The following ARID1B variants were observed in gnomAD, a reference collection of about 807,000 sequenced individuals.
The protein encoded by ARID1B is AT-rich interaction domain 1B.
ARID1B carries 30 observed loss-of-function variants against 212.3 expected under a neutral mutation model. That is an observed-to-expected ratio of 0.14 (90% CI 0.11 to 0.19). The LOEUF (loss-of-function observed/expected upper bound fraction) is 0.19, where lower values mean the gene tolerates loss of function less well. ARID1B is among the 10% of genes least tolerant of loss of function. The pLI is 1.00. For missense variants in ARID1B, 2,891 were observed against 3,204.0 expected (o/e 0.90, Z 2.36); for synonymous variants, 1,402 against 1,301.7 (o/e 1.08, Z -1.66).
intron 4 of ARID1B, among the ~76,000 whole-genome samples, chr6:156,989,807 A>G (rs1277815668): frequency 6.6e-6 from 1 of 152,118 alleles, no homozygotes; most frequent in Non-Finnish European, 1.5e-5. Flanking sequence ...TGATGGTGGG[A>G]GTGGCAGTAG....
chr6:156,882,174 TCTC>T (rs1787151022), intron 2 of ARID1B, among the ~76,000 whole-genome samples: 1 of 152,012 alleles, frequency 6.6e-6, no homozygotes, highest in South Asian at 2.1e-4. Context: ...TCGTTTCTCT[TCTC>T]TGCTAGTTGA....
chr6:156,920,747 A>G (rs376539065), intron 3 of ARID1B, among the ~76,000 whole-genome samples: 5 of 152,136 alleles, frequency 3.3e-5, no homozygotes, highest in South Asian at 4.1e-4. Flanking sequence ...GTCTCTTTGC[A>G]TTAGCCTAGG....
chr6:157,192,971 G>A (rs1231843454), intron 15 of ARID1B, among the ~76,000 whole-genome samples: 1 of 152,150 alleles, frequency 6.6e-6, no homozygotes, highest in Non-Finnish European at 1.5e-5. Context: ...TTAACCTGTA[G>A]TACAAGTAGC....
chr6:156,964,159 C>T (rs1794586371), intron 4 of ARID1B, among the ~76,000 whole-genome samples: 1 of 152,252 alleles, frequency 6.6e-6, no homozygotes, highest in African/African-American at 2.4e-5. Context: ...CTTATTAACT[C>T]ATCTTGCAAC....
chr6:156,827,940 TA>T (rs1431619652), intron 1 of ARID1B, among the ~76,000 whole-genome samples: 1 of 151,818 alleles, frequency 6.6e-6, no homozygotes, highest in African/African-American at 2.4e-5. Flanking sequence ...TTTGTATTTT[TA>T]GTAGAGACGG....
intron 4 of ARID1B, among the ~76,000 whole-genome samples, chr6:156,971,139 A>G (rs555234528): frequency 6.6e-6 from 1 of 152,138 alleles, no homozygotes; most frequent in South Asian, 2.1e-4. Context: ...GTTTTTGTAG[A>G]TTTGGGGCTT....
chr6:156,781,025 T>A (rs1211961006), intron 1 of ARID1B, among the ~76,000 whole-genome samples: 1 of 152,186 alleles, frequency 6.6e-6, no homozygotes, highest in Non-Finnish European at 1.5e-5. Flanking sequence ...AGCAATATAT[T>A]TTGGTGATGT....
At chr6:156,859,604 T>G (rs1438634152) in intron 2 of ARID1B, among the ~76,000 whole-genome samples, 13 of 152,254 alleles carry the variant, frequency 8.5e-5, no homozygotes, top group Admixed American at 7.8e-4. Flanking sequence ...TTGAATTATT[T>G]TATAATTTAT....
chr6:157,033,655 G>A (rs940975548), intron 4 of ARID1B, among the ~76,000 whole-genome samples: 1 of 152,314 alleles, frequency 6.6e-6, no homozygotes, highest in South Asian at 2.1e-4. Context: ...TTGGGAAAGA[G>A]ATGTCAATTG....
intron 1 of ARID1B, among the ~76,000 whole-genome samples, chr6:156,825,836 A>C (rs1182933250): frequency 6.6e-6 from 1 of 152,242 alleles, no homozygotes; most frequent in Non-Finnish European, 1.5e-5. Context: ...CTTGATTTTC[A>C]TACTTCCATA....
At chr6:157,083,978 A>G (rs989257692) in intron 4 of ARID1B, among the ~76,000 whole-genome samples, 2 of 151,996 alleles carry the variant, frequency 1.3e-5, no homozygotes, top group African/African-American at 4.8e-5. Flanking sequence ...TATTAAAAAT[A>G]CAAAAATTAG....
chr6:157,204,797 G>T (rs956156430), intron 19 of ARID1B: 4 of 152,140 alleles, frequency 2.6e-5, no homozygotes, highest in Admixed American at 2.6e-4. Context: ...ATGGAAAAAG[G>T]TCATTTTCCC....
intron 3 of ARID1B, among the ~76,000 whole-genome samples, chr6:156,906,178 A>G (rs1467339962): frequency 1.3e-5 from 2 of 152,098 alleles, no homozygotes; most frequent in Non-Finnish European, 2.9e-5. Context: ...GCTGCTCTCA[A>G]GAAGCTGGGG....
chr6:156,916,087 TCA>T (rs1790330331), intron 3 of ARID1B, among the ~76,000 whole-genome samples: 2 of 152,162 alleles, frequency 1.3e-5, no homozygotes, highest in Admixed American at 6.5e-5. Flanking sequence ...TAAAGAGCCC[TCA>T]CAGAATTTGG....
intron 2 of ARID1B, among the ~76,000 whole-genome samples, chr6:156,886,990 A>G (rs1787559644): frequency 6.6e-6 from 1 of 152,236 alleles, no homozygotes; most frequent in African/African-American, 2.4e-5. Context: ...CTACCTTTGT[A>G]CATGGAATTC....
intron 2 of ARID1B, among the ~76,000 whole-genome samples, chr6:156,898,076 G>A (rs1048085793): frequency 5.9e-5 from 9 of 152,134 alleles, no homozygotes; most frequent in East Asian, 1.9e-4. Context: ...GTCAAGGCAC[G>A]AGAGTGACCA....
At chr6:156,779,608 A>C in intron 1 of ARID1B, 137 bp downstream of exon 1, 1 of 931,810 alleles carries the variant, frequency 1.1e-6, no homozygotes, top group Non-Finnish European at 1.3e-6. Flanking sequence ...AGCCATCTTG[A>C]CGGGCGGCCG....
chr6:157,146,653 C>T (rs1036004393), intron 7 of ARID1B, among the ~76,000 whole-genome samples: 2 of 151,998 alleles, frequency 1.3e-5, no homozygotes, highest in Non-Finnish European at 2.9e-5. Context: ...CGTGCATGCA[C>T]ACACACACAC....
At chr6:156,947,651 AT>A (rs1421098145) in intron 4 of ARID1B, among the ~76,000 whole-genome samples, 2 of 148,470 alleles carry the variant, frequency 1.3e-5, no homozygotes, top group Non-Finnish European at 3.0e-5. Context: ...AAAAAAAAAA[AT>A]CAAGCCCCTC....
Sources: allele counts gnomAD v4.1 joint callset (sites outside exome capture counted in the v4.1 genomes callset), GRCh38; gene constraint gnomAD v4.1.1; transcripts MANE v1.5; gene names NCBI Gene and HGNC (gene_info 2026-07-23, HGNC 2026-07-21).